Variants in DGKB observed in about 807,000 individuals in gnomAD.
The protein encoded by DGKB is 90 kDa diacylglycerol kinase.
A neutral mutation model predicts 114.3 loss-of-function variants in DGKB; 67 were observed. The observed-to-expected ratio is 0.59, with a 90% CI of 0.48 to 0.72. The LOEUF (loss-of-function observed/expected upper bound fraction) is 0.72. Among genes scored for constraint, DGKB ranks in the 30% least tolerant of loss-of-function variants. The probability of loss-of-function intolerance (pLI) is 0.00; values close to 1 mark genes in which losing one functional copy is unlikely to be tolerated. For missense variants in DGKB, 907 were observed against 975.2 expected (o/e 0.93, Z 0.93); for synonymous variants, 398 against 323.1 (o/e 1.23, Z -2.49).
intron 2 of DGKB, among the ~76,000 whole-genome samples, chr7:14,775,513 A>G (rs1227516139): frequency 6.6e-6 from 1 of 151,702 alleles, no homozygotes; most frequent in Non-Finnish European, 1.5e-5. Flanking sequence ...TAATTCCCAT[A>G]ATCTCCACAT....
At chr7:14,305,731 A>G (rs185002560) in intron 23 of DGKB, among the ~76,000 whole-genome samples, 63 of 152,238 alleles carry the variant, frequency 4.1e-4, no homozygotes, top group African/African-American at 1.3e-3. Flanking sequence ...TTTGCCAATG[A>G]TCTTATCATT....
intron 23 of DGKB, among the ~76,000 whole-genome samples, chr7:14,242,033 T>A (rs1793754936): frequency 6.6e-6 from 1 of 152,012 alleles, no homozygotes; most frequent in South Asian, 2.1e-4. Flanking sequence ...TTTCAACACA[T>A]TTATATTGAA....
chr7:14,390,014 C>G (rs1402016518), intron 21 of DGKB, among the ~76,000 whole-genome samples: 13 of 152,106 alleles, frequency 8.5e-5, no homozygotes, highest in Non-Finnish European at 1.9e-4. Flanking sequence ...AATTATAATT[C>G]AAAGTTCTAC....
intron 5 of DGKB, among the ~76,000 whole-genome samples, chr7:14,721,655 A>C (rs949960144): frequency 6.6e-6 from 1 of 152,188 alleles, no homozygotes; most frequent in Non-Finnish European, 1.5e-5. Context: ...CTTATATAAA[A>C]GAAATATGGG....
chr7:14,357,791 G>A (rs1042871095), intron 21 of DGKB, among the ~76,000 whole-genome samples: 3 of 152,124 alleles, frequency 2.0e-5, no homozygotes, highest in Non-Finnish European at 4.4e-5. Flanking sequence ...AGGCAGGCTT[G>A]GTGGTGGCAA....
At chr7:14,422,278 A>C (rs1826834594) in intron 21 of DGKB, among the ~76,000 whole-genome samples, 1 of 152,110 alleles carries the variant, frequency 6.6e-6, no homozygotes, top group Non-Finnish European at 1.5e-5. Context: ...AAGGGGTAAT[A>C]ACTTTTAATG....
At chr7:14,683,495 T>C (rs1458864314) in intron 10 of DGKB, among the ~76,000 whole-genome samples, 2 of 152,142 alleles carry the variant, frequency 1.3e-5, no homozygotes, top group Non-Finnish European at 2.9e-5. Flanking sequence ...TATGTATCTA[T>C]GTATATATAT....
chr7:14,196,351 T>C (rs1785020486), intron 23 of DGKB, among the ~76,000 whole-genome samples: 1 of 152,144 alleles, frequency 6.6e-6, no homozygotes, highest in Non-Finnish European at 1.5e-5. Flanking sequence ...TTAAAGCTTA[T>C]AAACAGACTG....
intron 20 of DGKB, among the ~76,000 whole-genome samples, chr7:14,520,084 G>T (rs1381779563): frequency 1.3e-5 from 2 of 151,070 alleles, no homozygotes; most frequent in Non-Finnish European, 3.0e-5. Flanking sequence ...TTATTTATGG[G>T]TCTTTCAATA....
chr7:14,949,789 C>A (rs1786078031), intron 1 of DGKB, among the ~76,000 whole-genome samples: 1 of 151,990 alleles, frequency 6.6e-6, no homozygotes, highest in Non-Finnish European at 1.5e-5. Context: ...AGGATGAATT[C>A]ATGTCCTTCA....
chr7:14,606,806 A>G lies in DGKB; in HGVS notation c.1433+628T>C, dbSNP rs552056976. ...ACAGTTTATGTTAAAAATTTATTTT[A>G]CTAGATCTTACCTGTTAACAATGAA... On this transcript the variant is annotated intron_variant, in intron 17 of 25. Coordinates refer to ENST00000402815, the MANE Select transcript of DGKB (RefSeq NM_001350709.2). Among the ~76,000 whole-genome samples the G allele has an allele frequency of 3.2e-4, 48 of 152,208 alleles. No homozygotes were observed. In the South Asian group the frequency reaches 3.7e-3, roughly 12 times the overall value.
intron 20 of DGKB, among the ~76,000 whole-genome samples, chr7:14,522,313 C>T (rs1789917148): frequency 6.6e-6 from 1 of 152,126 alleles, no homozygotes; most frequent in Non-Finnish European, 1.5e-5. Flanking sequence ...CTGTTGTGTT[C>T]TCTGTTGTTC....
intron 21 of DGKB, among the ~76,000 whole-genome samples, chr7:14,432,306 G>A (rs1007768597): frequency 1.3e-5 from 2 of 152,088 alleles, no homozygotes; most frequent in Non-Finnish European, 2.9e-5. Flanking sequence ...TGCAAAACAG[G>A]CAAAAATGAG....
At chr7:14,279,564 G>C (rs1799581990) in intron 23 of DGKB, among the ~76,000 whole-genome samples, 1 of 152,214 alleles carries the variant, frequency 6.6e-6, no homozygotes, top group Admixed American at 6.5e-5. Context: ...TTTTCTTTAA[G>C]AATGTTGAAT....
intron 23 of DGKB, among the ~76,000 whole-genome samples, chr7:14,312,882 T>C (rs1562905785): frequency 6.6e-6 from 1 of 152,228 alleles, no homozygotes; most frequent in Non-Finnish European, 1.5e-5. Context: ...TAGTCTTAGC[T>C]TGAAATCAAC....
At chr7:14,590,259 C>T (rs1269363300) in intron 17 of DGKB, among the ~76,000 whole-genome samples, 1 of 151,824 alleles carries the variant, frequency 6.6e-6, no homozygotes, top group Admixed American at 6.6e-5. Flanking sequence ...CTCCTTAAGT[C>T]AGCTTTTTTC....
rs117225368 is a variant in DGKB at position 14,698,989 on chromosome 7, G to C, written c.517-820C>G. On this transcript the variant is annotated intron_variant, in intron 7 of 25. Transcript: ENST00000402815. Reference sequence around the variant, plus strand: ...AAAGCTTGAAAGTGCAATAGTCAAAGAGTATTCTACTCAAATCTCTAATCT... The same window carrying C: ...AAAGCTTGAAAGTGCAATAGTCAAACAGTATTCTACTCAAATCTCTAATCT... Among the ~76,000 whole-genome samples the C allele has an allele frequency of 7.5e-4, 114 of 152,136 alleles. 1 individual carries two copies. The East Asian group carries it at 0.015, about 20-fold the overall frequency.
At chr7:14,773,517 C>T (rs187983610) in intron 2 of DGKB, among the ~76,000 whole-genome samples, 1 of 151,964 alleles carries the variant, frequency 6.6e-6, no homozygotes, top group East Asian at 1.9e-4. Flanking sequence ...ATGAAGAGAC[C>T]ACAAGAGTGA....
At chr7:14,318,444 A>G (rs562399193) in intron 23 of DGKB, among the ~76,000 whole-genome samples, 4 of 152,326 alleles carry the variant, frequency 2.6e-5, no homozygotes, top group African/African-American at 9.6e-5. Context: ...TTACAAGAAA[A>G]AAACAAACAA....
Sources: gnomAD v4.1 joint callset for allele counts (sites outside exome capture counted in the v4.1 genomes callset) on GRCh38, gnomAD v4.1.1 for gene constraint, MANE v1.5 for transcripts, NCBI Gene and HGNC (gene_info 2026-07-23, HGNC 2026-07-21) for gene names.